Variants in SACM1L observed in about 807,000 individuals in gnomAD.
SACM1L encodes SAC1 like phosphatidylinositide phosphatase.
SACM1L carries 32 observed loss-of-function variants against 89.5 expected under a neutral mutation model. The observed-to-expected ratio is 0.36, with a 90% CI of 0.27 to 0.48. SACM1L has a LOEUF of 0.48. Ranked by LOEUF, SACM1L falls within the 20% of genes least tolerant of loss-of-function variation. The pLI is 0.99. For missense variants in SACM1L, 543 were observed against 708.5 expected, an observed-to-expected ratio of 0.77 and a Z score of 2.65; for synonymous variants, 213 against 232.8, an observed-to-expected ratio of 0.92 and a Z score of 0.77.
chr3:45,717,807 C>G (rs1698696113), intron 7 of SACM1L, among the ~76,000 whole-genome samples: 2 of 152,198 alleles, frequency 1.3e-5, no homozygotes, highest in Admixed American at 6.5e-5. Context: ...TCCCAGCTAC[C>G]TGGGAGGCCA....
intron 7 of SACM1L, among the ~76,000 whole-genome samples, chr3:45,717,222 T>C (rs1575398932): frequency 6.6e-6 from 1 of 152,200 alleles, no homozygotes; most frequent in African/African-American, 2.4e-5. Flanking sequence ...AAGCATTTGG[T>C]GTTCTCTTGT....
intron 1 of SACM1L, chr3:45,689,892 ACAG>A (rs1262884997): frequency 3.8e-6 from 1 of 266,036 alleles, no homozygotes; most frequent in Non-Finnish European, 7.2e-6. Flanking sequence ...TAACGGACCT[ACAG>A]CAGCAATTTA....
intron 1 of SACM1L, among the ~76,000 whole-genome samples, chr3:45,702,261 T>C (rs529757981): frequency 2.2e-3 from 336 of 152,358 alleles, no homozygotes; most frequent in African/African-American, 7.5e-3. Context: ...GACATTTTTC[T>C]ATAATGCCAA....
At chr3:45,726,638 G>A (rs893141562) in intron 11 of SACM1L, among the ~76,000 whole-genome samples, 8 of 151,912 alleles carry the variant, frequency 5.3e-5, no homozygotes, top group African/African-American at 1.9e-4. Context: ...GAATTTTGTT[G>A]ATCTTTTCAA....
intron 1 of SACM1L, among the ~76,000 whole-genome samples, chr3:45,702,411 A>G (rs1306854939): frequency 6.6e-6 from 1 of 152,204 alleles, no homozygotes; most frequent in Non-Finnish European, 1.5e-5. Context: ...CACAGATAGA[A>G]CAGATAGAAA....
At chr3:45,692,129 T>C (rs1462368311) in intron 1 of SACM1L, among the ~76,000 whole-genome samples, 1 of 152,184 alleles carries the variant, frequency 6.6e-6, no homozygotes, top group Non-Finnish European at 1.5e-5. Context: ...CTTTACATAC[T>C]GGTCACATCC....
At chr3:45,710,728 A>G (rs546444698) in intron 5 of SACM1L, among the ~76,000 whole-genome samples, 2 of 152,180 alleles carry the variant, frequency 1.3e-5, no homozygotes, top group South Asian at 2.1e-4. Context: ...TTTTTGACCA[A>G]TAAAAATGGT....
At chr3:45,725,601 A>C (rs1310584272) in intron 11 of SACM1L, among the ~76,000 whole-genome samples, 1 of 151,038 alleles carries the variant, frequency 6.6e-6, no homozygotes, top group African/African-American at 2.4e-5. Context: ...GATATTTTGC[A>C]GAATTTTTAG....
At chr3:45,741,385 A>G (rs1351404990) in intron 19 of SACM1L, among the ~76,000 whole-genome samples, 1 of 152,196 alleles carries the variant, frequency 6.6e-6, no homozygotes, top group Non-Finnish European at 1.5e-5. Context: ...TGTACCTGAC[A>G]TACCCAGTGT....
intron 8 of SACM1L, among the ~76,000 whole-genome samples, chr3:45,721,178 A>G (rs1698779146): frequency 6.6e-6 from 1 of 152,272 alleles, no homozygotes; most frequent in African/African-American, 2.4e-5. Flanking sequence ...TAAAATCAGT[A>G]TAAGCATCTG....
At chr3:45,738,499 C>A in intron 16 of SACM1L, 79 bp from the exon 17 acceptor site, 2 of 812,370 alleles carry the variant, frequency 2.5e-6, no homozygotes, top group Non-Finnish European at 4.2e-6. Context: ...TATTTCTATA[C>A]CTTATGCTTA....
chr3:45,740,077 G>C (rs1483067013), intron 19 of SACM1L, among the ~76,000 whole-genome samples: 1 of 151,944 alleles, frequency 6.6e-6, no homozygotes, highest in Non-Finnish European at 1.5e-5. Context: ...GGAAACAAAA[G>C]GGGAGGGTAG....
At chr3:45,739,385 G>A (rs1232112038) in intron 18 of SACM1L, among the ~76,000 whole-genome samples, 2 of 152,092 alleles carry the variant, frequency 1.3e-5, no homozygotes, top group Admixed American at 6.5e-5. Flanking sequence ...TGCTTCTTCC[G>A]ATCTTACCAC....
Position 45,689,505 on chromosome 3 carries a change from C to A in SACM1L, c.32+8C>A, listed in dbSNP as rs1697914063. On this transcript the variant is annotated splice_region_variant and intron_variant, in intron 1 of 19. Transcript: ENST00000389061. ...CTACGAGCAGCTGAAGCTGTGAGTC[C>A]CACGGGCCAGAGGCCTGAGGCGCGG... The A allele has an allele frequency of 1.3e-6, 2 of 1,576,680 alleles. No homozygotes were observed. Among genetic ancestry groups the A allele is most frequent in the Non-Finnish European group, 1.7e-6 (2 of 1,162,138 alleles).
intron 11 of SACM1L, chr3:45,730,669 A>T (rs936547433): frequency 6.6e-6 from 1 of 152,240 alleles, no homozygotes; most frequent in African/African-American, 2.4e-5. Flanking sequence ...TTGCCTGGTT[A>T]TGTGGGTGGC....
intron 18 of SACM1L, among the ~76,000 whole-genome samples, 195 bp from the exon 19 acceptor site, chr3:45,739,392 C>G (rs1204014845): frequency 6.6e-6 from 1 of 152,168 alleles, no homozygotes; most frequent in African/African-American, 2.4e-5. Flanking sequence ...TCCGATCTTA[C>G]CACATCCCCC....
Position 45,737,484 on chromosome 3 carries a change from C to A in SACM1L, c.1240-99C>A, listed in dbSNP as rs1699226797. 7 of 1,178,392 alleles carry A rather than the reference C, an allele frequency of 5.9e-6. No individual in the cohort carries two copies. The South Asian group carries it at 6.6e-5, about 11-fold the overall frequency. 73.0% of individuals were successfully genotyped at this position (1,178,392 alleles called of 1,614,324 possible). Reference sequence around the variant, plus strand: ...ACATTTCTGGCCTGCATCCAGCAACCAGGCACCATGAGATAAAATTTGGGG... The same window carrying A: ...ACATTTCTGGCCTGCATCCAGCAACAAGGCACCATGAGATAAAATTTGGGG... On this transcript the variant is annotated intron_variant, in intron 14 of 19. Coordinates refer to ENST00000389061, the MANE Select transcript of SACM1L (RefSeq NM_014016.5).
At chr3:45,735,929 C>T (rs2125705218) in intron 14 of SACM1L, among the ~76,000 whole-genome samples, 1 of 152,144 alleles carries the variant, frequency 6.6e-6, no homozygotes, top group Admixed American at 6.5e-5. Flanking sequence ...TGCAGTGGTG[C>T]AGTCTCGGCT....
chr3:45,715,122 G>T (rs941483236), intron 7 of SACM1L, among the ~76,000 whole-genome samples: 1 of 152,106 alleles, frequency 6.6e-6, no homozygotes, highest in African/African-American at 2.4e-5. Flanking sequence ...ATCTAGGTTT[G>T]TGTAAGTACA....
Sources: allele counts gnomAD v4.1 joint callset (sites outside exome capture counted in the v4.1 genomes callset), GRCh38; gene constraint gnomAD v4.1.1; transcripts MANE v1.5; gene names NCBI Gene and HGNC (gene_info 2026-07-23, HGNC 2026-07-21).